The following PTPRT variants were observed in gnomAD, a reference collection of about 807,000 sequenced individuals.
The protein encoded by PTPRT is protein tyrosine phosphatase receptor type T.
In PTPRT, 56 loss-of-function variants were observed where a neutral mutation model predicts 176.8. The observed-to-expected ratio is 0.32, with a 90% CI of 0.26 to 0.40. The LOEUF is 0.40. Among genes scored for constraint, PTPRT ranks in the 10% least tolerant of loss-of-function variants. The pLI is 1.00. For synonymous variants in PTPRT, 783 were observed against 739.0 expected, an observed-to-expected ratio of 1.06 and a Z score of -0.96; for missense variants, 1,540 against 1,908.2, an observed-to-expected ratio of 0.81 and a Z score of 3.60.
At chr20:42,779,597 C>A (rs2077185416) in intron 4 of PTPRT, among the ~76,000 whole-genome samples, 1 of 152,158 alleles carries the variant, frequency 6.6e-6, no homozygotes, top group Non-Finnish European at 1.5e-5. Flanking sequence ...CCAGAAACCA[C>A]ATCTCCCTGC....
the PTPRT span, among the ~76,000 whole-genome samples, chr20:42,059,019 T>C: frequency 2.6e-5 from 4 of 152,234 alleles, no homozygotes; most frequent in Non-Finnish European, 4.4e-5. Context: ...TAAAAATGCA[T>C]CTCTAGAGGG....
Position 42,075,708 on chromosome 20 carries a change from T to C in PTPRT, c.*5171A>G, listed in dbSNP as rs1349018084. ...GTTGTGTAGAGCAGTCTTACTGGACTGATACCTCTATGTACTCTAAGGGGT... is the reference window on the plus strand; with the variant it reads ...GTTGTGTAGAGCAGTCTTACTGGACCGATACCTCTATGTACTCTAAGGGGT... On this transcript the variant is annotated 3_prime_UTR_variant, in exon 31 of 31. Coordinates refer to ENST00000373187, the MANE Select transcript of PTPRT (RefSeq NM_007050.6). 2 of 209,694 alleles carry C rather than the reference T, an allele frequency of 9.5e-6. No individual in the cohort carries two copies. The highest frequency in any genetic ancestry group is 1.9e-5 in the Non-Finnish European group (2 of 103,150). 13.0% of individuals were successfully genotyped at this position (209,694 alleles called of 1,614,324 possible).
intron 7 of PTPRT, among the ~76,000 whole-genome samples, chr20:42,496,961 T>C (rs2071665678): frequency 6.6e-6 from 1 of 152,138 alleles, no homozygotes; most frequent in Non-Finnish European, 1.5e-5. Context: ...CTTCATTGCC[T>C]GTGATGTTCA....
In PTPRT at chr20:42,503,060, AT is replaced by A. The variant is rs1317956405; in HGVS notation, c.1154-30499del. Reference sequence around the variant, plus strand: ...AAGGTATCCTCTTTTATTCCTAACAATTTTTGTTTGTGCCAACTTTTTTTCT... The same window carrying A: ...AAGGTATCCTCTTTTATTCCTAACAATTTTGTTTGTGCCAACTTTTTTTCT... On this transcript the variant is annotated intron_variant, in intron 7 of 30. Coordinates refer to ENST00000373187, the MANE Select transcript of PTPRT (RefSeq NM_007050.6). 3.3e-5 allele frequency among the ~76,000 whole-genome samples: 5 copies of A among 152,104 alleles called. No individual in the cohort carries two copies. In the East Asian group the frequency reaches 9.7e-4, roughly 29 times the overall value.
chr20:42,449,957 T>C (rs2070798564), intron 8 of PTPRT, among the ~76,000 whole-genome samples: 1 of 152,178 alleles, frequency 6.6e-6, no homozygotes, highest in Non-Finnish European at 1.5e-5. Flanking sequence ...TATGCATATA[T>C]ATATTTTTTA....
chr20:43,103,470 G>C (rs1456217973), intron 1 of PTPRT, among the ~76,000 whole-genome samples: 1 of 152,158 alleles, frequency 6.6e-6, no homozygotes, highest in Non-Finnish European at 1.5e-5. Context: ...GAGAGGCTGA[G>C]ACCCTTTTCA....
chr20:42,237,504 C>T (rs1404208692), intron 14 of PTPRT, among the ~76,000 whole-genome samples: 1 of 152,216 alleles, frequency 6.6e-6, no homozygotes, highest in African/African-American at 2.4e-5. Context: ...GCAAGTGAGG[C>T]TGCTGCCCCC....
intron 12 of PTPRT, among the ~76,000 whole-genome samples, chr20:42,296,957 T>G (rs1055402516): frequency 1.3e-5 from 2 of 151,938 alleles, no homozygotes; most frequent in Non-Finnish European, 2.9e-5. Context: ...TATATAAATA[T>G]ATCCTACTAT....
At chr20:42,686,812 GCTTT>G (rs1005664671) in intron 6 of PTPRT, among the ~76,000 whole-genome samples, 4 of 151,996 alleles carry the variant, frequency 2.6e-5, no homozygotes, top group African/African-American at 9.7e-5. Context: ...TCTTTAAGGG[GCTTT>G]CTTTCTTCTC....
intron 9 of PTPRT, among the ~76,000 whole-genome samples, chr20:42,360,753 G>A (rs1367600731): frequency 6.6e-6 from 1 of 152,188 alleles, no homozygotes; most frequent in African/African-American, 2.4e-5. Flanking sequence ...TGGGCATGGA[G>A]ATGCAAGAAG....
chr20:42,056,987 G>C, the PTPRT span, among the ~76,000 whole-genome samples: 2 of 152,142 alleles, frequency 1.3e-5, no homozygotes, highest in East Asian at 3.9e-4. Context: ...TCCCAGACAT[G>C]TCCCATCAGG....
rs1302171855 is a variant in PTPRT at position 42,098,461 on chromosome 20, C to T, written c.3806G>A (p.Cys1269Tyr). Residue 1269 changes from cysteine to tyrosine, a missense_variant, in exon 27 of 31, where the codon TGC becomes TAC. Around this residue, in one of 11 missense-constraint regions of PTPRT, gnomAD observed 342 missense variants for 394.0 expected, o/e 0.87. Transcript: ENST00000373187. ...CTCATTCAGCATCACCACAGAGGAG[C>T]AGTTGTAATCGAACACCAGCCTCCA... ...DFWRLVFDYN[C>Y]SSVVMLNEMD... 1 of 1,614,192 alleles carries T rather than the reference C, an allele frequency of 6.2e-7. No homozygotes were observed.
chr20:42,364,897 C>T (rs1327333214), intron 9 of PTPRT, among the ~76,000 whole-genome samples: 1 of 152,160 alleles, frequency 6.6e-6, no homozygotes, highest in Non-Finnish European at 1.5e-5. Flanking sequence ...AAGGAGGCAG[C>T]GATGGGATAA....
At chr20:43,033,630 G>C (rs186153369) in intron 1 of PTPRT, among the ~76,000 whole-genome samples, 5 of 152,232 alleles carry the variant, frequency 3.3e-5, no homozygotes, top group Admixed American at 2.0e-4. Context: ...GAAAAGATGA[G>C]TAAATGCACA....
downstream of PTPRT, among the ~76,000 whole-genome samples, chr20:42,069,674 C>A (rs2146036176): frequency 6.6e-6 from 1 of 152,224 alleles, no homozygotes; most frequent in East Asian, 1.9e-4. Context: ...TGTTAATATA[C>A]TGATGTTGTT....
At chr20:42,741,814 A>G (rs2076615489) in intron 6 of PTPRT, among the ~76,000 whole-genome samples, 1 of 152,090 alleles carries the variant, frequency 6.6e-6, no homozygotes, top group South Asian at 2.1e-4. Context: ...ACCTAGACGT[A>G]CTAGATACGG....
At chr20:42,956,144 T>C (rs1178189604) in intron 1 of PTPRT, among the ~76,000 whole-genome samples, 2 of 152,210 alleles carry the variant, frequency 1.3e-5, no homozygotes, top group Non-Finnish European at 2.9e-5. Flanking sequence ...AGCCAGATCC[T>C]ACCCCGTAGT....
At chr20:42,516,889 T>G (rs8115413) in intron 7 of PTPRT, among the ~76,000 whole-genome samples, 12,310 of 152,212 alleles carry the variant, frequency 0.081, 912 homozygotes, top group African/African-American at 0.2. Context: ...GAATTCGCCT[T>G]AGTCATCATG....
At chr20:42,575,308 T>C (rs1046475301) in intron 7 of PTPRT, among the ~76,000 whole-genome samples, 2 of 152,124 alleles carry the variant, frequency 1.3e-5, no homozygotes, top group Non-Finnish European at 2.9e-5. Context: ...GAGCTACAGC[T>C]GGACAGAGAA....
Sources: gnomAD v4.1 joint callset for allele counts (sites outside exome capture counted in the v4.1 genomes callset) on GRCh38, gnomAD v4.1.1 for gene constraint, gnomAD v4.1.1 regional missense constraint, MANE v1.5 for transcripts, NCBI Gene and HGNC (gene_info 2026-07-23, HGNC 2026-07-21) for gene names.